Variants in SH2B2 observed in about 807,000 individuals in gnomAD.
SH2B2 encodes the protein SH2B adapter protein 2.
Under a neutral mutation model 35.7 loss-of-function variants are expected in SH2B2, and 37 were observed. That is an observed-to-expected ratio of 1.04 (90% CI 0.80 to 1.36). The LOEUF (loss-of-function observed/expected upper bound fraction) is 1.36. Ranked by LOEUF, SH2B2 falls within the 40% of genes most tolerant of loss-of-function variation. The pLI, the probability that SH2B2 is intolerant of heterozygous loss-of-function variation, is 0.00. For missense variants in SH2B2, 852 were observed against 817.7 expected (o/e 1.04, Z -0.51); for synonymous variants, 383 against 376.4 (o/e 1.02, Z -0.20).
Position 102,301,297 on chromosome 7 carries a change from C to A in SH2B2, c.729+18C>A. 1 of 1,593,630 alleles carries A rather than the reference C, an allele frequency of 6.3e-7. No individual in the cohort carries two copies. Among genetic ancestry groups the A allele is most frequent in the Admixed American group, 1.7e-5 (1 of 57,848 alleles). ...CGCCCAAAGTGAGTTACCCCATAAT[C>A]CCACCTAGCCTGGGGGGACCAGAGG... On this transcript the variant is annotated intron_variant, in intron 2 of 8. Coordinates refer to ENST00000444095, the MANE Select transcript of SH2B2 (RefSeq NM_001359228.2).
chr7:102,303,945 C>T (rs1364523860), intron 2 of SH2B2, among the ~76,000 whole-genome samples: 1 of 152,178 alleles, frequency 6.6e-6, no homozygotes, highest in African/African-American at 2.4e-5. Context: ...CCTGCAGGGT[C>T]ACTGGGCCCT....
chr7:102,316,881 T>C (rs1485512998), intron 6 of SH2B2, among the ~76,000 whole-genome samples: 1 of 151,604 alleles, frequency 6.6e-6, no homozygotes, highest in Non-Finnish European at 1.5e-5. Flanking sequence ...TAGTTGGGTG[T>C]GGTGGTGGGC....
chr7:102,311,346 G>A (rs2974966), intron 4 of SH2B2, among the ~76,000 whole-genome samples: 1 of 151,334 alleles, frequency 6.6e-6, no homozygotes, highest in African/African-American at 2.4e-5. Flanking sequence ...CCTCCACCTC[G>A]CAGGTTCAAG....
At chr7:102,311,461 G>C (rs1316748276) in intron 4 of SH2B2, among the ~76,000 whole-genome samples, 1 of 151,762 alleles carries the variant, frequency 6.6e-6, no homozygotes, top group South Asian at 2.1e-4. Context: ...CCCCATGGTG[G>C]TCAGGCTCGT....
intron 2 of SH2B2, among the ~76,000 whole-genome samples, chr7:102,302,683 C>T (rs538164161): frequency 6.6e-6 from 1 of 152,366 alleles, no homozygotes; most frequent in African/African-American, 2.4e-5. Flanking sequence ...CCCCAGATTA[C>T]AGAAGAGAGC....
At position 102,321,435 on chromosome 7, in the gene SH2B2, G is replaced by T. The variant is rs1794077603; in HGVS notation, c.1704G>T (p.Ser568=). The T allele has an allele frequency of 7.7e-7, 1 of 1,303,444 alleles. No homozygotes were observed. 80.7% of individuals were successfully genotyped at this position (1,303,444 alleles called of 1,614,324 possible). ...CCTCCGACGCCGCCGGCGCCTCCTC[G>T]TCTTCCGCCTCGTCGTCCTCTGCCG... ...ASPSDAAGAS[S]SSASSSSAAS... The change falls in exon 9 of 9, where the codon TCG becomes TCT. Residue 568 remains serine, a synonymous_variant. Coordinates refer to ENST00000444095, the MANE Select transcript of SH2B2 (RefSeq NM_001359228.2).
At chr7:102,305,413 G>A (rs1410886580) in intron 2 of SH2B2, among the ~76,000 whole-genome samples, 12 of 151,982 alleles carry the variant, frequency 7.9e-5, no homozygotes, top group South Asian at 4.2e-4. Flanking sequence ...TTACAGGCAC[G>A]CACCACCACG....
intron 2 of SH2B2, among the ~76,000 whole-genome samples, chr7:102,302,024 A>C (rs75153733): frequency 6.6e-6 from 1 of 152,118 alleles, no homozygotes; most frequent in African/African-American, 2.4e-5. Context: ...ACTCCCAGCT[A>C]ATGTTTTTTA....
Position 102,306,751 on chromosome 7 carries a change from T to C in SH2B2, c.760T>C (p.Ser254Pro). 6.2e-7 allele frequency: 1 copy of C among 1,600,368 alleles called. No homozygotes were observed. The highest frequency in any genetic ancestry group is 2.3e-5 in the East Asian group (1 of 44,232). Reference sequence around the variant, plus strand: ...CAGGCCCAAGGTCAGCATCCCACTGTCAGCCATCATTGAGGTCCGCACCAC... The same window carrying C: ...CAGGCCCAAGGTCAGCATCCCACTGCCAGCCATCATTGAGGTCCGCACCAC... ...ASRPKVSIPL[S>P]AIIEVRTTMP... Residue 254 changes from serine (S) to proline (P), a missense_variant, in exon 3 of 9, where the codon TCA (serine) becomes CCA (proline). By Grantham distance (74) the Ser-to-Pro change is moderately conservative. This residue lies in a region of SH2B2 where 556 missense variants were observed against 514.5 expected (regional missense o/e 1.08). Transcript: ENST00000444095.
intron 7 of SH2B2, among the ~76,000 whole-genome samples, chr7:102,317,763 C>G (rs782526888): frequency 3.3e-4 from 50 of 152,176 alleles, no homozygotes; most frequent in Non-Finnish European, 5.7e-4. Flanking sequence ...ACCCAGAGAT[C>G]GCCCAGTGGG....
At chr7:102,302,196 C>G (rs1554554073) in intron 2 of SH2B2, among the ~76,000 whole-genome samples, 1 of 152,224 alleles carries the variant, frequency 6.6e-6, no homozygotes, top group African/African-American at 2.4e-5. Context: ...AAGAGCCTGG[C>G]TACCTGCCCT....
chr7:102,319,020 C>T (rs1411208882), intron 7 of SH2B2, among the ~76,000 whole-genome samples: 3 of 152,116 alleles, frequency 2.0e-5, no homozygotes, highest in Non-Finnish European at 4.4e-5. Context: ...ACCTCTCTAC[C>T]CAGCTGCTCT....
rs1165742933 is a variant in SH2B2 at position 102,301,060 on chromosome 7, G to A, written c.510G>A (p.Glu170=). Residue 170 remains glutamate (E), a synonymous_variant, in exon 2 of 9, where the codon GAG becomes GAA. Transcript: ENST00000444095. ...PDAAAAPRTA[E]PRDKWTRRLR... Reference sequence around the variant, plus strand: ...CGGCAGCTGCCCCGCGCACCGCCGAGCCCCGCGACAAGTGGACGCGGCGCC... The same window carrying A: ...CGGCAGCTGCCCCGCGCACCGCCGAACCCCGCGACAAGTGGACGCGGCGCC... The A allele has an allele frequency of 7.2e-7, 1 of 1,379,974 alleles. No individual in the cohort carries two copies. Among genetic ancestry groups the A allele is most frequent in the East Asian group, 3.1e-5 (1 of 32,162 alleles). The allele number at this position is 1,379,974 out of a possible 1,614,324, so 85.5% of individuals were successfully genotyped here.
chr7:102,303,082 G>T (rs961156639), intron 2 of SH2B2, among the ~76,000 whole-genome samples: 1 of 149,774 alleles, frequency 6.7e-6, no homozygotes, highest in East Asian at 2.0e-4. Flanking sequence ...AAAAATACAG[G>T]ATTACATGCC....
chr7:102,315,744 G>GAA (rs61456197), intron 6 of SH2B2, among the ~76,000 whole-genome samples: 21,292 of 90,468 alleles, frequency 0.24, 2,500 homozygotes, highest in East Asian at 0.35. Flanking sequence ...CCTGTGAAAA[G>GAA]AAAAAAAAAA....
intron 2 of SH2B2, among the ~76,000 whole-genome samples, chr7:102,305,897 T>TC (rs1201124849): frequency 4.2e-5 from 6 of 143,948 alleles, no homozygotes; most frequent in African/African-American, 1.5e-4. Context: ...TTTTTTCTTT[T>TC]TTTTTTTTTT....
chr7:102,309,856 G>A (rs1377492517), intron 4 of SH2B2, among the ~76,000 whole-genome samples: 1 of 152,140 alleles, frequency 6.6e-6, no homozygotes, highest in African/African-American at 2.4e-5. Context: ...GAGTGGAAAT[G>A]GAACTGGGCA....
chr7:102,295,819 G>T (rs782228078), intron 1 of SH2B2, among the ~76,000 whole-genome samples: 17 of 152,048 alleles, frequency 1.1e-4, no homozygotes, highest in Non-Finnish European at 2.4e-4. Context: ...CAGGGAAAAG[G>T]TCAGGCATGA....
At position 102,317,347 on chromosome 7, in the gene SH2B2, T is replaced by C; in HGVS notation, c.1347T>C (p.Thr449=). The C allele has an allele frequency of 6.2e-7, 1 of 1,610,134 alleles. No individual in the cohort carries two copies. The highest frequency in any genetic ancestry group is 8.5e-7 in the Non-Finnish European group (1 of 1,177,052). The change falls in exon 7 of 9, where the codon ACT becomes ACC. Residue 449 remains threonine, a synonymous_variant. Coordinates refer to ENST00000444095, the MANE Select transcript of SH2B2 (RefSeq NM_001359228.2). ...HGLFVIRQSE[T]RPGEYVLTFN... Reference sequence around the variant, plus strand: ...TCTTCGTGATCCGCCAAAGTGAGACTCGGCCTGGGGAGTACGTGCTGACCT... The same window carrying C: ...TCTTCGTGATCCGCCAAAGTGAGACCCGGCCTGGGGAGTACGTGCTGACCT...
Sources: allele counts gnomAD v4.1 joint callset (sites outside exome capture counted in the v4.1 genomes callset), GRCh38; gene constraint gnomAD v4.1.1; regional missense constraint gnomAD v4.1.1; transcripts MANE v1.5; gene names NCBI Gene and HGNC (gene_info 2026-07-23, HGNC 2026-07-21).